The following GOLT1A variants were observed in gnomAD, a reference collection of about 807,000 sequenced individuals.
GOLT1A encodes the protein vesicle transport protein GOT1A.
GOLT1A carries 10 observed loss-of-function variants against 16.1 expected under a neutral mutation model. The ratio of observed to expected loss-of-function variants is 0.62; its 90% CI spans 0.38 to 1.05. GOLT1A has a LOEUF of 1.05. GOLT1A is among the 50% of genes least tolerant of loss of function. The probability of loss-of-function intolerance (pLI) is 0.01; values close to 1 mark genes in which losing one functional copy is unlikely to be tolerated. For missense variants in GOLT1A, 137 were observed against 165.7 expected (o/e 0.83, Z 0.95); for synonymous variants, 60 against 67.9 (o/e 0.88, Z 0.57).
intron 3 of GOLT1A, among the ~76,000 whole-genome samples, chr1:204,201,003 C>A (rs1397432762): frequency 6.6e-6 from 1 of 152,190 alleles, no homozygotes; most frequent in Non-Finnish European, 1.5e-5. Context: ...TCTCTCAAGT[C>A]CTGCTTCCTC....
chr1:204,210,197 T>C (rs1659117783), intron 1 of GOLT1A, among the ~76,000 whole-genome samples: 1 of 152,242 alleles, frequency 6.6e-6, no homozygotes, highest in African/African-American at 2.4e-5. Context: ...GTGTGAACCA[T>C]CATCTGTTAG....
At chr1:204,213,799 C>T (rs372003293) in intron 1 of GOLT1A, 83 bp downstream of exon 1, 1 of 1,497,752 alleles carries the variant, frequency 6.7e-7, no homozygotes, top group Non-Finnish European at 9.2e-7. Flanking sequence ...CTTGTAGTGA[C>T]AGAGAGCCCA....
Position 204,198,483 on chromosome 1 carries a change from A to G in GOLT1A, c.374T>C (p.Leu125Pro), listed in dbSNP as rs137912417. The change falls in exon 5 of 5, where the codon CTT (leucine) becomes CCT (proline). Residue 125 changes from leucine (L) to proline (P), a missense_variant. Leu to Pro is a moderately conservative substitution (Grantham distance 98). Transcript: ENST00000308302. ...IPFLGALFRR[L>P]QGTSSMV ...TCAGACCATCGAGCTAGTGCCTTGA[A>G]GTCTCCGGAACAGCTGTGGGAGCCA... 9.3e-6 allele frequency: 15 copies of G among 1,613,702 alleles called. No homozygotes were observed. In the African/African-American group the frequency reaches 1.9e-4, roughly 20 times the overall value.
chr1:204,207,846 G>A (rs532903028), intron 1 of GOLT1A, among the ~76,000 whole-genome samples: 11 of 152,106 alleles, frequency 7.2e-5, no homozygotes, highest in Admixed American at 5.9e-4. Flanking sequence ...GGACACTAAG[G>A]ACATGAATAG....
chr1:204,199,151 C>T (rs1246139083), intron 4 of GOLT1A, 44 bp downstream of exon 4: 1 of 1,520,378 alleles, frequency 6.6e-7, no homozygotes, highest in East Asian at 2.4e-5. Flanking sequence ...CTCCCCCTCA[C>T]TCCCCAGGGT....
intron 1 of GOLT1A, among the ~76,000 whole-genome samples, chr1:204,203,656 C>T (rs545732704): frequency 1.7e-4 from 26 of 152,362 alleles, no homozygotes; most frequent in Admixed American, 1.5e-3. Flanking sequence ...CCTGCACCTG[C>T]TCCCATTGTC....
chr1:204,200,802 C>A (rs1161972574), intron 3 of GOLT1A, among the ~76,000 whole-genome samples: 2 of 152,188 alleles, frequency 1.3e-5, no homozygotes, highest in Non-Finnish European at 1.5e-5. Flanking sequence ...CTGAGCCCCA[C>A]ACCTTTCCAT....
intron 2 of GOLT1A, 115 bp downstream of exon 2, chr1:204,202,781 G>C (rs1658981913): frequency 2.6e-5 from 20 of 773,402 alleles, no homozygotes; most frequent in Non-Finnish European, 4.1e-5. Flanking sequence ...TTACTTAAGG[G>C]ATTTATTTAA....
Position 204,199,227 on chromosome 1 carries a change from C to T in GOLT1A, c.328G>A (p.Gly110Ser). The T allele has an allele frequency of 1.2e-6, 2 of 1,603,750 alleles. No individual in the cohort carries two copies. Among genetic ancestry groups the T allele is most frequent in the Admixed American group, 3.5e-5 (2 of 57,958 alleles). ...GFFPVAFGFLGNVCNIPFLGA... is the reference protein window; with the variant it reads ...GFFPVAFGFLSNVCNIPFLGA... ...AGGAAGGGGATGTTGCAGACATTGC[C>T]CAGGAAGCCGAAGGCGACAGGGAAA... The change falls in exon 4 of 5, where the codon GGC becomes AGC. Residue 110 changes from glycine (G) to serine (S), a missense_variant. Physicochemically the swap from Gly to Ser is moderately conservative, Grantham distance 56. Transcript: ENST00000308302.
rs570461587 is a variant in GOLT1A at position 204,212,512 on chromosome 1, C to G, written c.25+1370G>C. On this transcript the variant is annotated intron_variant, in intron 1 of 4. Coordinates refer to ENST00000308302, the MANE Select transcript of GOLT1A (RefSeq NM_198447.2). ...ATTAGCCAGGTGTGGTGGTGGGTGC[C>G]CGTAACCCCAGCTACTTAGGAGGCT... is the stretch of plus-strand genomic sequence containing the variant. Among the ~76,000 whole-genome samples, 3 of 151,990 alleles carry G rather than the reference C, an allele frequency of 2.0e-5. No individual in the cohort carries two copies. In the South Asian group the frequency reaches 6.3e-4, roughly 32 times the overall value.
intron 3 of GOLT1A, among the ~76,000 whole-genome samples, chr1:204,200,393 G>A (rs968654696): frequency 2.7e-5 from 4 of 146,902 alleles, no homozygotes; most frequent in African/African-American, 5.1e-5. Context: ...GTGTGATCTT[G>A]TCTCACTGCA....
At chr1:204,204,286 A>G (rs192193159) in intron 1 of GOLT1A, among the ~76,000 whole-genome samples, 27 of 152,280 alleles carry the variant, frequency 1.8e-4, no homozygotes, top group African/African-American at 6.5e-4. Context: ...CTCTACACCC[A>G]TTAAACAGTA....
chr1:204,211,233 A>C (rs1005640019), intron 1 of GOLT1A, among the ~76,000 whole-genome samples: 1 of 151,816 alleles, frequency 6.6e-6, no homozygotes, highest in African/African-American at 2.4e-5. Flanking sequence ...CATACTGCCT[A>C]GACTCCTTCA....
At chr1:204,204,740 C>T (rs947467389) in intron 1 of GOLT1A, among the ~76,000 whole-genome samples, 1 of 152,160 alleles carries the variant, frequency 6.6e-6, no homozygotes, top group Non-Finnish European at 1.5e-5. Context: ...TGAGGAATTG[C>T]CATTTTGTTT....
chr1:204,203,140 G>A (rs956369314), intron 1 of GOLT1A, among the ~76,000 whole-genome samples, 153 bp from the exon 2 acceptor site: 3 of 152,122 alleles, frequency 2.0e-5, no homozygotes, highest in African/African-American at 7.2e-5. Flanking sequence ...GGGGATGGTG[G>A]GATGGGAAGG....
intron 1 of GOLT1A, among the ~76,000 whole-genome samples, chr1:204,203,492 C>T (rs571660738): frequency 4.2e-4 from 64 of 152,270 alleles, no homozygotes; most frequent in African/African-American, 1.4e-3. Context: ...GAGGCTGGCC[C>T]GCCTGAGCAA....
At chr1:204,204,728 T>C (rs923934305) in intron 1 of GOLT1A, among the ~76,000 whole-genome samples, 11 of 152,254 alleles carry the variant, frequency 7.2e-5, no homozygotes, top group African/African-American at 2.4e-4. Context: ...TTTTTAATTC[T>C]TTGAGGAATT....
intron 1 of GOLT1A, among the ~76,000 whole-genome samples, chr1:204,206,695 C>T (rs1418368714): frequency 2.0e-5 from 3 of 152,272 alleles, no homozygotes; most frequent in African/African-American, 4.8e-5. Flanking sequence ...TGTGGAAACA[C>T]GATGTGCACA....
At chr1:204,208,603 G>C (rs1361997511) in intron 1 of GOLT1A, among the ~76,000 whole-genome samples, 1 of 150,400 alleles carries the variant, frequency 6.6e-6, no homozygotes, top group Non-Finnish European at 1.5e-5. Context: ...AGTGACTCCG[G>C]AATGGAAAAG....
Sources: gnomAD v4.1 joint callset for allele counts (sites outside exome capture counted in the v4.1 genomes callset) on GRCh38, gnomAD v4.1.1 for gene constraint, MANE v1.5 for transcripts, NCBI Gene and HGNC (gene_info 2026-07-23, HGNC 2026-07-21) for gene names.